CSMD1: variants seen among roughly 807,000 people sequenced by gnomAD.
CSMD1 encodes the protein CUB and Sushi multiple domains 1, also known as CUB and sushi domain-containing protein 1.
Under a neutral mutation model 417.5 loss-of-function variants are expected in CSMD1, and 213 were observed. The ratio of observed to expected loss-of-function variants is 0.51; its 90% CI spans 0.46 to 0.57. The LOEUF is 0.57. CSMD1 is among the 20% of genes least tolerant of loss of function. The pLI, the probability that CSMD1 is intolerant of heterozygous loss-of-function variation, is 0.00. For missense variants in CSMD1, 6,923 were observed against 4,529.7 expected (o/e 1.53, Z -15.17); for synonymous variants, 2,862 against 1,736.8 (o/e 1.65, Z -16.11).
At chr8:3,449,169 T>C (rs1206480533) in intron 12 of CSMD1, among the ~76,000 whole-genome samples, 4 of 152,174 alleles carry the variant, frequency 2.6e-5, no homozygotes, top group Admixed American at 6.5e-5. Context: ...TTGAAATTAG[T>C]TGGTGGGGGG....
At chr8:4,932,109 A>C (rs368367447) in intron 1 of CSMD1, among the ~76,000 whole-genome samples, 1 of 152,242 alleles carries the variant, frequency 6.6e-6, no homozygotes, top group East Asian at 1.9e-4. Flanking sequence ...TTCATTTGGA[A>C]TCTTTCAATG....
At chr8:3,778,357 C>A (rs1233222097) in intron 5 of CSMD1, among the ~76,000 whole-genome samples, 2 of 152,194 alleles carry the variant, frequency 1.3e-5, no homozygotes, top group African/African-American at 4.8e-5. Flanking sequence ...CACCAGCTGT[C>A]TGGAATCATT....
At chr8:3,314,473 G>C (rs1330638138) in intron 23 of CSMD1, among the ~76,000 whole-genome samples, 1 of 152,078 alleles carries the variant, frequency 6.6e-6, no homozygotes, top group Non-Finnish European at 1.5e-5. Flanking sequence ...TACTGGTTCT[G>C]TATTTGCTTT....
At chr8:3,360,651 G>A (rs1809099366) in intron 20 of CSMD1, among the ~76,000 whole-genome samples, 1 of 152,188 alleles carries the variant, frequency 6.6e-6, no homozygotes, top group African/African-American at 2.4e-5. Context: ...AAAGAATTGG[G>A]ACAATGAAGA....
At chr8:3,418,140 G>C (rs1340536946) in intron 12 of CSMD1, among the ~76,000 whole-genome samples, 4 of 152,198 alleles carry the variant, frequency 2.6e-5, no homozygotes, top group African/African-American at 7.2e-5. Flanking sequence ...ACTGAAACAA[G>C]AATGAGATGA....
chr8:4,912,122 C>CAAAAAAAAAAAAAAAAAAA (rs36194482), intron 1 of CSMD1, among the ~76,000 whole-genome samples: 23 of 84,542 alleles, frequency 2.7e-4, no homozygotes, highest in Middle Eastern at 6.4e-3. Flanking sequence ...AACATAGCTT[C>CAAAAAAAAAAAAAAAAAAA]AAAAAAAAAA....
intron 2 of CSMD1, among the ~76,000 whole-genome samples, chr8:4,428,159 A>T (rs899314375): frequency 6.6e-6 from 1 of 152,230 alleles, no homozygotes; most frequent in Non-Finnish European, 1.5e-5. Context: ...CATCTATGTG[A>T]ATCTGGCTTC....
chr8:4,249,353 C>T (rs553498013), intron 3 of CSMD1, among the ~76,000 whole-genome samples: 1 of 152,316 alleles, frequency 6.6e-6, no homozygotes, highest in East Asian at 1.9e-4. Context: ...AAGCGGTGTT[C>T]AGTCTACGGA....
intron 3 of CSMD1, among the ~76,000 whole-genome samples, chr8:4,327,866 AC>A (rs1297565447): frequency 6.6e-6 from 1 of 152,216 alleles, no homozygotes; most frequent in Non-Finnish European, 1.5e-5. Context: ...ATTTTGTAAA[AC>A]AAAAAACTTT....
intron 7 of CSMD1, among the ~76,000 whole-genome samples, chr8:3,701,628 T>C (rs531448329): frequency 5.3e-5 from 8 of 152,106 alleles, no homozygotes; most frequent in African/African-American, 1.7e-4. Flanking sequence ...AATATTATAA[T>C]TATAAGTAGA....
intron 2 of CSMD1, among the ~76,000 whole-genome samples, chr8:4,621,198 G>C (rs921633270): frequency 6.6e-6 from 1 of 151,906 alleles, no homozygotes; most frequent in Non-Finnish European, 1.5e-5. Context: ...AGAAATCCTG[G>C]GGATGAGACC....
chr8:3,437,057 G>C (rs539309037), intron 12 of CSMD1, among the ~76,000 whole-genome samples: 1 of 152,228 alleles, frequency 6.6e-6, no homozygotes, highest in South Asian at 2.1e-4. Flanking sequence ...TCTTATCTCT[G>C]GCTATGGTTC....
chr8:3,717,112 G>A (rs1451100344), intron 6 of CSMD1, among the ~76,000 whole-genome samples: 1 of 152,118 alleles, frequency 6.6e-6, no homozygotes, highest in Non-Finnish European at 1.5e-5. Flanking sequence ...GTCTGCTTCA[G>A]AAATTATAGC....
intron 3 of CSMD1, among the ~76,000 whole-genome samples, chr8:4,333,495 T>C (rs1360856929): frequency 3.3e-5 from 5 of 152,162 alleles, no homozygotes; most frequent in Admixed American, 2.0e-4. Context: ...TATGATTATG[T>C]GTACAGCACT....
chr8:3,527,163 C>T (rs1797787153), intron 10 of CSMD1, among the ~76,000 whole-genome samples: 2 of 152,060 alleles, frequency 1.3e-5, no homozygotes, highest in South Asian at 2.1e-4. Context: ...GTTTTTATAA[C>T]ACAAAAAAAT....
At chr8:3,856,063 T>A (rs1307305863) in intron 5 of CSMD1, among the ~76,000 whole-genome samples, 2 of 152,114 alleles carry the variant, frequency 1.3e-5, no homozygotes, top group African/African-American at 4.8e-5. Context: ...TACTGTGGAA[T>A]GGTTTGGATC....
intron 3 of CSMD1, among the ~76,000 whole-genome samples, chr8:4,110,707 G>T (rs953484117): frequency 6.6e-6 from 1 of 151,616 alleles, no homozygotes; most frequent in African/African-American, 2.4e-5. Context: ...TAATTTCAGG[G>T]TTTTTTTTCC....
chr8:3,596,662 G>C (rs1011110108), intron 8 of CSMD1, among the ~76,000 whole-genome samples: 1 of 151,992 alleles, frequency 6.6e-6, no homozygotes, highest in Non-Finnish European at 1.5e-5. Flanking sequence ...TTCACATCTG[G>C]TTGTTTGTAA....
intron 4 of CSMD1, among the ~76,000 whole-genome samples, chr8:4,026,954 C>T (rs949494083): frequency 6.6e-6 from 1 of 152,102 alleles, no homozygotes; most frequent in Non-Finnish European, 1.5e-5. Context: ...AAACTGAAAA[C>T]CTACTTTGCA....
Sources: allele counts gnomAD v4.1 joint callset (sites outside exome capture counted in the v4.1 genomes callset), GRCh38; gene constraint gnomAD v4.1.1; transcripts MANE v1.5; gene names NCBI Gene and HGNC (gene_info 2026-07-23, HGNC 2026-07-21).